The following CDH18 variants were observed in gnomAD, a reference collection of about 807,000 sequenced individuals.
CDH18 encodes the protein cadherin-18.
Under a neutral mutation model 67.9 loss-of-function variants are expected in CDH18, and 31 were observed. That is an observed-to-expected ratio of 0.46 (90% CI 0.34 to 0.62). The LOEUF is 0.62. CDH18 is among the 20% of genes least tolerant of loss of function. The pLI is 0.01. For missense variants in CDH18, 890 were observed against 975.5 expected (o/e 0.91, Z 1.17); for synonymous variants, 362 against 347.2 (o/e 1.04, Z -0.48).
chr5:20,357,519 A>G lies in CDH18; in HGVS notation c.-579-102014T>C, dbSNP rs80164175. On this transcript the variant is annotated intron_variant, in intron 1 of 14. Coordinates refer to the CDH18 transcript ENST00000507958. ...GAAATTACATAAACAAACACTTCTC[A>G]AAACAAGATATAAGAGCGGCCAAAA... is the stretch of plus-strand genomic sequence containing the variant. Among the ~76,000 whole-genome samples, 690 of 152,304 alleles carry G rather than the reference A, an allele frequency of 4.5e-3. 9 individuals are homozygous for G. The highest frequency in any genetic ancestry group is 0.016 in the African/African-American group (662 of 41,566).
rs1739700563 is a variant in CDH18 at position 20,204,265 on chromosome 5, T to C, written c.-518+51179A>G. The stretch of plus-strand genomic sequence containing the variant: ...AGCAAGAGAAAAGAAGCAAATAATA[T>C]ATAAAGGAGCTCCAATTCATCTAAA... On this transcript the variant is annotated intron_variant, in intron 2 of 14. Coordinates refer to the CDH18 transcript ENST00000507958. Among the ~76,000 whole-genome samples the C allele has an allele frequency of 2.6e-5, 4 of 151,360 alleles. No homozygotes were observed. In the South Asian group the frequency reaches 8.3e-4, roughly 32 times the overall value.
intron 1 of CDH18, among the ~76,000 whole-genome samples, chr5:20,417,929 G>C (rs1260663868): frequency 6.6e-6 from 1 of 152,074 alleles, no homozygotes; most frequent in Admixed American, 6.6e-5. Context: ...TCTAACCTAA[G>C]CACTTTTCAC....
chr5:19,532,689 A>G (rs1183194577), intron 9 of CDH18, among the ~76,000 whole-genome samples: 1 of 152,192 alleles, frequency 6.6e-6, no homozygotes, highest in Non-Finnish European at 1.5e-5. Flanking sequence ...GACCCAAAGA[A>G]AGCTCTTAAA....
At chr5:19,481,093 C>T (rs1483901984) in intron 12 of CDH18, among the ~76,000 whole-genome samples, 1 of 152,136 alleles carries the variant, frequency 6.6e-6, no homozygotes, top group Non-Finnish European at 1.5e-5. Flanking sequence ...CCTCTTTTCC[C>T]TCAACGTTTG....
intron 1 of CDH18, among the ~76,000 whole-genome samples, chr5:20,340,264 G>A (rs1740146767): frequency 6.6e-6 from 1 of 152,192 alleles, no homozygotes; most frequent in Non-Finnish European, 1.5e-5. Context: ...TTGTCAGGAA[G>A]AAGCTACAGA....
intron 2 of CDH18, among the ~76,000 whole-genome samples, chr5:20,149,333 T>G (rs1750917469): frequency 6.6e-6 from 1 of 152,216 alleles, no homozygotes; most frequent in Admixed American, 6.5e-5. Context: ...TCTTCTGCAT[T>G]ATTTGACATT....
chr5:20,356,517 GATTT>G (rs902021899), intron 1 of CDH18, among the ~76,000 whole-genome samples: 3 of 152,028 alleles, frequency 2.0e-5, no homozygotes, highest in Admixed American at 6.6e-5. Flanking sequence ...TCTGACTAGA[GATTT>G]ATTATAAATT....
At position 20,303,852 on chromosome 5, in the gene CDH18, T is replaced by C. The variant is rs532508251; in HGVS notation, c.-579-48347A>G. Among the ~76,000 whole-genome samples the C allele has an allele frequency of 2.0e-5, 3 of 152,334 alleles. No individual in the cohort carries two copies. The East Asian group carries it at 5.8e-4, about 29-fold the overall frequency. On this transcript the variant is annotated intron_variant, in intron 1 of 14. Coordinates refer to the CDH18 transcript ENST00000507958. ...CAAATGTATTTTACACTTTAGGCAG[T>C]TCTTAAGAAGGGAGAGTGCGGTTTC... is the stretch of plus-strand genomic sequence containing the variant.
intron 2 of CDH18, among the ~76,000 whole-genome samples, chr5:20,030,692 A>G (rs115869276): frequency 0.011 from 1,750 of 152,292 alleles, 38 homozygotes; most frequent in African/African-American, 0.04. Flanking sequence ...TGAATGGCCA[A>G]AAAAGGGCTG....
At chr5:20,249,806 C>T (rs1580582708) in intron 2 of CDH18, among the ~76,000 whole-genome samples, 1 of 152,098 alleles carries the variant, frequency 6.6e-6, no homozygotes, top group Admixed American at 6.5e-5. Context: ...AATTTTTTGT[C>T]TGGAGAAAAT....
intron 5 of CDH18, among the ~76,000 whole-genome samples, chr5:19,636,711 A>G (rs560579592): frequency 6.6e-6 from 1 of 152,148 alleles, no homozygotes; most frequent in South Asian, 2.1e-4. Flanking sequence ...TACTCTATAC[A>G]TTCTTTATGT....
At chr5:20,301,574 A>G (rs182160329) in intron 1 of CDH18, among the ~76,000 whole-genome samples, 1 of 152,312 alleles carries the variant, frequency 6.6e-6, no homozygotes, top group African/African-American at 2.4e-5. Flanking sequence ...AGGACTCATC[A>G]GGGGTTTAGG....
At chr5:20,093,258 AAT>A (rs1036147311) in intron 2 of CDH18, among the ~76,000 whole-genome samples, 4 of 151,782 alleles carry the variant, frequency 2.6e-5, no homozygotes, top group Non-Finnish European at 5.9e-5. Flanking sequence ...CACTCACACG[AAT>A]ATATTAACAT....
chr5:20,002,988 T>C (rs1412886962), intron 2 of CDH18, among the ~76,000 whole-genome samples: 1 of 152,006 alleles, frequency 6.6e-6, no homozygotes, highest in Non-Finnish European at 1.5e-5. Context: ...ATTCACCTAT[T>C]GGGTGTGTTT....
At chr5:20,267,767 G>A (rs1745148556) in intron 1 of CDH18, among the ~76,000 whole-genome samples, 1 of 152,090 alleles carries the variant, frequency 6.6e-6, no homozygotes, top group South Asian at 2.1e-4. Flanking sequence ...AAACATAACT[G>A]AATTTATTTA....
intron 7 of CDH18, among the ~76,000 whole-genome samples, chr5:19,590,802 A>C (rs557468861): frequency 6.6e-6 from 1 of 152,268 alleles, no homozygotes; most frequent in Non-Finnish European, 1.5e-5. Context: ...TAGAGCAGAG[A>C]CAAAATGAAC....
At chr5:19,962,883 C>G (rs1797063467) in intron 2 of CDH18, among the ~76,000 whole-genome samples, 3 of 152,100 alleles carry the variant, frequency 2.0e-5, no homozygotes, top group Non-Finnish European at 4.4e-5. Flanking sequence ...GATACAATGT[C>G]CCATCTAATT....
rs542454965 is a variant in CDH18, at chr5:19,474,256, T to A, written c.1883-540A>T. 2.6e-5 allele frequency among the ~76,000 whole-genome samples: 4 copies of A among 152,232 alleles called. No individual in the cohort carries two copies. In the East Asian group the frequency reaches 7.7e-4, roughly 29 times the overall value. ...TTTAATGTTGATCTCTTTTGTCAATTATCCTTTAAAATTATATTATCATGC... is the reference window on the plus strand; with the variant it reads ...TTTAATGTTGATCTCTTTTGTCAATAATCCTTTAAAATTATATTATCATGC... On this transcript the variant is annotated intron_variant, in intron 12 of 12. Transcript: ENST00000382275.
At chr5:19,876,812 T>C (rs1787063351) in intron 2 of CDH18, among the ~76,000 whole-genome samples, 1 of 152,082 alleles carries the variant, frequency 6.6e-6, no homozygotes, top group African/African-American at 2.4e-5. Context: ...AATGCTCCGG[T>C]TTTCCTGGGC....
Sources: allele counts gnomAD v4.1 joint callset (sites outside exome capture counted in the v4.1 genomes callset), GRCh38; gene constraint gnomAD v4.1.1; transcripts MANE v1.5; gene names NCBI Gene and HGNC (gene_info 2026-07-23, HGNC 2026-07-21).